GNG7: variants seen among roughly 807,000 people sequenced by gnomAD.
GNG7 encodes G protein subunit gamma 7.
In GNG7, 1 loss-of-function variant was observed where a neutral mutation model predicts 4.0. The ratio of observed to expected loss-of-function variants is 0.25; its 90% CI spans 0.09 to 1.18. The LOEUF is 1.18. Ranked by LOEUF, GNG7 falls within the 50% of genes most tolerant of loss-of-function variation. The pLI is 0.50. For synonymous variants in GNG7, 34 were observed against 36.9 expected, an observed-to-expected ratio of 0.92 and a Z score of 0.29; for missense variants, 86 against 91.9, an observed-to-expected ratio of 0.94 and a Z score of 0.26.
At chr19:2,619,642 A>G (rs1981813403) in intron 2 of GNG7, among the ~76,000 whole-genome samples, 1 of 152,170 alleles carries the variant, frequency 6.6e-6, no homozygotes, top group Non-Finnish European at 1.5e-5. Context: ...TGAGGACATC[A>G]CACTCTATGA....
intron 1 of GNG7, among the ~76,000 whole-genome samples, chr19:2,676,374 C>T (rs1010678142): frequency 6.6e-6 from 1 of 152,124 alleles, no homozygotes; most frequent in Non-Finnish European, 1.5e-5. Flanking sequence ...CGTGAACATG[C>T]ACAGCCCCCA....
At chr19:2,702,544 C>G (rs966420236) in intron 1 of GNG7, 102 bp downstream of exon 1, 3 of 152,162 alleles carry the variant, frequency 2.0e-5, no homozygotes, top group African/African-American at 4.8e-5. Flanking sequence ...CCGACTCCGA[C>G]CCCCAACTCG....
chr19:2,612,257 C>T (rs564098788), intron 2 of GNG7, among the ~76,000 whole-genome samples: 2 of 152,258 alleles, frequency 1.3e-5, no homozygotes, highest in South Asian at 4.1e-4. Context: ...GTGGGGCCAT[C>T]CTGGGCACTG....
chr19:2,562,077 G>A lies in GNG7; in HGVS notation c.-77-6889C>T, dbSNP rs191256054. 9.5e-4 allele frequency among the ~76,000 whole-genome samples: 144 copies of A among 152,002 alleles called. No individual in the cohort carries two copies. The East Asian group carries it at 0.011, about 12-fold the overall frequency. ...ACATTTCTCTGAGAAGTCTCTCTGC[G>A]TTCTGCTTCTCAGAAAGAAACCAGG... On this transcript the variant is annotated intron_variant, in intron 2 of 4. Transcript: ENST00000382159.
In GNG7 at chr19:2,512,506, A is replaced by G; in HGVS notation, c.*2516T>C. The G allele has an allele frequency of 3.1e-6, 1 of 323,216 alleles. No homozygotes were observed. The highest frequency in any genetic ancestry group is 4.5e-6 in the Non-Finnish European group (1 of 224,642). The allele number at this position is 323,216 out of a possible 1,614,324, so 20.0% of individuals were successfully genotyped here. A position where few individuals can be genotyped will look rare whatever the true frequency, so the allele number is the denominator to read the frequency against. On this transcript the variant is annotated 3_prime_UTR_variant, in exon 5 of 5. Transcript: ENST00000382159. This position sits in a 1 kb window ranked among gnomAD's most constrained non-coding sequence, Gnocchi z 4.7. ...CCCTGTGGACAGTGAAGGAGAGGCC[A>G]GCCTGTCCTTCCCCTCCCCGAGCCT...
intron 3 of GNG7, among the ~76,000 whole-genome samples, chr19:2,553,643 G>A (rs958960485): frequency 3.6e-5 from 3 of 82,238 alleles, no homozygotes; most frequent in East Asian, 3.4e-4. Flanking sequence ...CATGTAATAT[G>A]TTATATTACA....
chr19:2,532,162 C>A (rs60208208), intron 3 of GNG7, among the ~76,000 whole-genome samples: 61,722 of 120,366 alleles, frequency 0.51, 13,426 homozygotes, highest in South Asian at 0.6. Context: ...AAAAAAAAAA[C>A]AAAAAAAAAA....
At chr19:2,562,475 A>C (rs1334565244) in intron 2 of GNG7, among the ~76,000 whole-genome samples, 1 of 151,912 alleles carries the variant, frequency 6.6e-6, no homozygotes, top group Non-Finnish European at 1.5e-5. Flanking sequence ...TAAATGATTA[A>C]TACTCATGAT....
chr19:2,698,012 A>C (rs907821663), intron 1 of GNG7, among the ~76,000 whole-genome samples: 5 of 151,794 alleles, frequency 3.3e-5, no homozygotes, highest in Non-Finnish European at 7.4e-5. Flanking sequence ...CATGCTTATA[A>C]TCCCAGCACT....
At chr19:2,548,523 T>TCACACCTG (rs1215436272) in intron 3 of GNG7, among the ~76,000 whole-genome samples, 1 of 141,332 alleles carries the variant, frequency 7.1e-6, no homozygotes, top group Admixed American at 7.3e-5. Context: ...GCCCAGTGGC[T>TCACACCTG]CACACCTGTA....
At chr19:2,581,450 G>C (rs1980504122) in intron 2 of GNG7, among the ~76,000 whole-genome samples, 1 of 152,114 alleles carries the variant, frequency 6.6e-6, no homozygotes, top group Non-Finnish European at 1.5e-5. Context: ...ACCACAGGGG[G>C]GTGAGAACAG....
intron 2 of GNG7, among the ~76,000 whole-genome samples, chr19:2,568,721 C>A (rs1304424171): frequency 7.5e-6 from 1 of 133,512 alleles, no homozygotes; most frequent in Non-Finnish European, 1.8e-5. Context: ...CACATATACA[C>A]ATACAGACAC....
Position 2,613,012 on chromosome 19 carries a change from C to A in GNG7, c.-78+33212G>T, listed in dbSNP as rs183714710. 1.1e-3 allele frequency among the ~76,000 whole-genome samples: 174 copies of A among 152,060 alleles called. 6 individuals carry two copies. In the East Asian group the frequency reaches 0.031, roughly 27 times the overall value. ...TGGCCAACGTCGGACATTTTTAGAGCGGAGGAGGTAGCCTAGGAGGGCAAA... is the reference window on the plus strand; with the variant it reads ...TGGCCAACGTCGGACATTTTTAGAGAGGAGGAGGTAGCCTAGGAGGGCAAA... On this transcript the variant is annotated intron_variant, in intron 2 of 4. Transcript: ENST00000382159.
rs750156881 is a variant in GNG7 at position 2,557,345 on chromosome 19, GCA to G, written c.-77-2159_-77-2158del. On this transcript the variant is annotated intron_variant, in intron 2 of 4. Coordinates refer to ENST00000382159, the MANE Select transcript of GNG7 (RefSeq NM_052847.3). The surrounding 1 kb of genome is among the most constrained non-coding windows in gnomAD (Gnocchi z 5.1). ...CATGTGCACACAGACACACACATGT[GCA>G]CACACACAGACACACACACACGTGC... is the stretch of plus-strand genomic sequence containing the variant. Among the ~76,000 whole-genome samples the G allele has an allele frequency of 8.0e-5, 12 of 150,910 alleles. No homozygotes were observed. The highest frequency in any genetic ancestry group is 1.3e-4 in the Admixed American group (2 of 15,142).
At chr19:2,670,046 G>A (rs888388744) in intron 1 of GNG7, among the ~76,000 whole-genome samples, 1 of 151,682 alleles carries the variant, frequency 6.6e-6, no homozygotes, top group Non-Finnish European at 1.5e-5. Context: ...GAAAAGGTGT[G>A]TGGACACCTC....
intron 4 of GNG7, 92 bp downstream of exon 4, chr19:2,520,515 CA>C: frequency 1.4e-6 from 1 of 695,352 alleles, no homozygotes. Flanking sequence ...AGTTGGGGTG[CA>C]AGCCTCTGCC....
At chr19:2,667,688 G>T (rs1034535020) in intron 1 of GNG7, among the ~76,000 whole-genome samples, 1 of 152,194 alleles carries the variant, frequency 6.6e-6, no homozygotes, top group African/African-American at 2.4e-5. Flanking sequence ...GCGGAGGCAG[G>T]CAGATCAGCT....
At chr19:2,523,449 A>G (rs1978320480) in intron 3 of GNG7, among the ~76,000 whole-genome samples, 1 of 152,108 alleles carries the variant, frequency 6.6e-6, no homozygotes, top group Admixed American at 6.6e-5. Flanking sequence ...GCTACTTGGG[A>G]GGCTGAGGTG....
intron 2 of GNG7, among the ~76,000 whole-genome samples, chr19:2,635,558 G>A (rs1402424363): frequency 2.6e-5 from 4 of 151,330 alleles, no homozygotes; most frequent in African/African-American, 4.9e-5. Context: ...GGACACACCT[G>A]AGACCCAGGA....
Sources: allele counts gnomAD v4.1 joint callset (sites outside exome capture counted in the v4.1 genomes callset), GRCh38; gene constraint gnomAD v4.1.1; non-coding constraint Gnocchi (gnomAD v3.1); transcripts MANE v1.5; gene names NCBI Gene and HGNC (gene_info 2026-07-23, HGNC 2026-07-21).